The following VN1R2 variants were observed in gnomAD, a reference collection of about 807,000 sequenced individuals.
VN1R2 encodes the protein vomeronasal 1 receptor 2.
For missense variants in VN1R2, 418 were observed against 452.4 expected (o/e 0.92, Z 0.69); for synonymous variants, 160 against 173.1 (o/e 0.92, Z 0.59).
Position 53,258,910 on chromosome 19 carries a change from A to G in VN1R2, c.535A>G (p.Ser179Gly). 1.2e-6 allele frequency: 2 copies of G among 1,614,152 alleles called. No individual in the cohort carries two copies. Among genetic ancestry groups the G allele is most frequent in the Non-Finnish European group, 1.7e-6 (2 of 1,180,026 alleles). The change falls in exon 1 of 1, where the codon AGC becomes GGC. Residue 179 changes from serine to glycine, a missense_variant. Physicochemically the swap from Ser to Gly is moderately conservative, Grantham distance 56 (BLOSUM62 0). Transcript: ENST00000341702. ...GGTAGGCAGGGGTGTGTCCATTGGA[A>G]GCACCTGCCTCTTGAGTGTCTTCCA... ...HRVGRGVSIG[S>G]TCLLSVFQVI...
At chr19:53,258,738 AAGATCCAC>A, upstream of VN1R2, 1 of 1,613,990 alleles carries the variant, frequency 6.2e-7, no homozygotes, top group Non-Finnish European at 8.5e-7. Flanking sequence ...GATACAAGCC[AAGATCCAC>A]AGATTTGATT....
upstream of VN1R2, chr19:53,258,833 TG>T (rs781715655): frequency 1.9e-6 from 3 of 1,614,200 alleles, no homozygotes; most frequent in Admixed American, 5.0e-5. Context: ...ACTTTTGGGT[TG>T]AAACATTTTG....
chr19:53,258,814 A>G lies in VN1R2; in HGVS notation c.439A>G (p.Thr147Ala). ...LVILSKRIPETMATFGLKHFD... is the reference protein window; with the variant it reads ...LVILSKRIPEAMATFGLKHFD... The stretch of plus-strand genomic sequence containing the variant: ...TATCCTATCTAAAAGAATCCCAGAG[A>G]CCATGGCAACTTTTGGGTTGAAACA... The change falls in exon 1 of 1, where the codon ACC (threonine) becomes GCC (alanine). Residue 147 changes from threonine (T) to alanine (A), a missense_variant. Transcript: ENST00000341702. The G allele has an allele frequency of 6.2e-7, 1 of 1,614,180 alleles. No homozygotes were observed. Among genetic ancestry groups the G allele is most frequent in the Non-Finnish European group, 8.5e-7 (1 of 1,180,028 alleles).
chr19:53,259,546 G>T lies in VN1R2; in HGVS notation c.1171G>T (p.Asp391Tyr). The T allele has an allele frequency of 6.2e-7, 1 of 1,609,990 alleles. No individual in the cohort carries two copies. The highest frequency in any genetic ancestry group is 1.1e-5 in the South Asian group (1 of 90,520). The change falls in exon 1 of 1, where the codon GAT (aspartate) becomes TAT (tyrosine). Residue 391 changes from aspartate (D) to tyrosine (Y), a missense_variant. Asp to Tyr is a radical substitution (Grantham distance 160). Transcript: ENST00000341702. ...CAGAAGAAATAGACGATTCTTTCAT[G>T]ATTTCAGGAAAATGTGAATTGGCTG... ...CCRRNRRFFH[D>Y]FRKM
In VN1R2 at chr19:53,259,464, C is replaced by T; in HGVS notation, c.1089C>T (p.Ser363=). The T allele has an allele frequency of 6.2e-7, 1 of 1,614,194 alleles. No homozygotes were observed. The highest frequency in any genetic ancestry group is 8.5e-7 in the Non-Finnish European group (1 of 1,180,038). The change falls in exon 1 of 1, where the codon AGC becomes AGT. Residue 363 remains serine, a synonymous_variant. Transcript: ENST00000341702. The part of the protein sequence containing the change: ...ALIIACFPTI[S]PFVLMCRDPS... ...TCATTGCCTGTTTTCCAACTATTAG[C>T]CCTTTTGTTCTCATGTGCCGTGACC...
Position 53,258,970 on chromosome 19 carries a change from G to A in VN1R2, c.595G>A (p.Ala199Thr), listed in dbSNP as rs1331613053. Residue 199 changes from alanine (A) to threonine (T), a missense_variant, in exon 1 of 1, where the codon GCA becomes ACA. Ala to Thr is a moderately conservative substitution (Grantham distance 58, BLOSUM62 0). Coordinates refer to ENST00000341702, the MANE Select transcript of VN1R2 (RefSeq NM_173856.2). ...ITINPRNSRWAEMKVKAPTYI... is the reference protein window; with the variant it reads ...ITINPRNSRWTEMKVKAPTYI... ...CATCAACCCTAGGAACTCCAGGTGG[G>A]CAGAGATGAAAGTAAAAGCCCCGAC... 3.1e-6 allele frequency: 5 copies of A among 1,614,026 alleles called. No individual in the cohort carries two copies. In the African/African-American group the frequency reaches 6.7e-5, roughly 22 times the overall value.
rs748198419 is a variant in VN1R2 at position 53,258,642 on chromosome 19, G to A, written c.267G>A (p.Gly89=). 4.3e-6 allele frequency: 7 copies of A among 1,611,824 alleles called. No homozygotes were observed. The East Asian group carries it at 1.3e-4, about 31-fold the overall frequency. Residue 89 remains glycine, a synonymous_variant, in exon 1 of 1, where the codon GGG becomes GGA. Transcript: ENST00000341702. ...GAGAGAAACCCACCAAACCTGTGGG[G>A]CTGGACCCTACACTATTCCAGGTAG... The part of the protein sequence containing the change: ...AHGEKPTKPV[G]LDPTLFQVVV...
Position 53,258,624 on chromosome 19 carries a change from A to G in VN1R2, c.249A>G (p.Lys83=), listed in dbSNP as rs747217048. Residue 83 remains lysine (K), a synonymous_variant, in exon 1 of 1, where the codon AAA becomes AAG. Transcript: ENST00000341702. ...LHSLVSAHGE[K]PTKPVGLDPT... The stretch of plus-strand genomic sequence containing the variant: ...CTCTTGTCTCTGCACACGGAGAGAA[A>G]CCCACCAAACCTGTGGGGCTGGACC... 2.5e-6 allele frequency: 4 copies of G among 1,605,060 alleles called. No individual in the cohort carries two copies. Among genetic ancestry groups the G allele is most frequent in the East Asian group, 2.2e-5 (1 of 44,682 alleles).
At position 53,259,360 on chromosome 19, in the gene VN1R2, G is replaced by C. The variant is rs139265600; in HGVS notation, c.985G>C (p.Ala329Pro). Residue 329 changes from alanine to proline, a missense_variant, in exon 1 of 1, where the codon GCC becomes CCC. Ala to Pro is a conservative substitution (Grantham distance 27, BLOSUM62 -1). Transcript: ENST00000341702. ...GGTGAGCACCTTTGCATTATGTTACGCCCTTTCCTTCATCACCTACGTTTA... is the reference window on the plus strand; with the variant it reads ...GGTGAGCACCTTTGCATTATGTTACCCCCTTTCCTTCATCACCTACGTTTA... ...ALVSTFALCY[A>P]LSFITYVYLA... 1 of 1,614,138 alleles carries C rather than the reference G, an allele frequency of 6.2e-7. No homozygotes were observed. The highest frequency in any genetic ancestry group is 1.7e-5 in the Admixed American group (1 of 60,010).
rs1272243916 is a variant in VN1R2, at chr19:53,259,518, C to T, written c.1143C>T (p.Cys381=). ...DPSRSRLCSI[C]CRRNRRFFHD... is the part of the protein sequence containing the mutation. ...GCAGATCCAGGCTCTGCAGTATCTGCTGCAGAAGAAATAGACGATTCTTTC... is the reference window on the plus strand; with the variant it reads ...GCAGATCCAGGCTCTGCAGTATCTGTTGCAGAAGAAATAGACGATTCTTTC... The change falls in exon 1 of 1, where the codon TGC becomes TGT. Residue 381 remains cysteine (C), a synonymous_variant. Coordinates refer to ENST00000341702, the MANE Select transcript of VN1R2 (RefSeq NM_173856.2). 1 of 1,612,704 alleles carries T rather than the reference C, an allele frequency of 6.2e-7. No individual in the cohort carries two copies. Among genetic ancestry groups the T allele is most frequent in the African/African-American group, 1.3e-5 (1 of 74,950 alleles).
chr19:53,259,084 A>G lies in VN1R2; in HGVS notation c.709A>G (p.Asn237Asp). The G allele has an allele frequency of 1.2e-6, 2 of 1,614,174 alleles. No individual in the cohort carries two copies. The highest frequency in any genetic ancestry group is 1.1e-5 in the South Asian group (1 of 91,082). ...TATTTATACAACTGGCAAATGGAGCAACAACAACATCACAAAGAAAGGAGA... is the reference window on the plus strand; with the variant it reads ...TATTTATACAACTGGCAAATGGAGCGACAACAACATCACAAAGAAAGGAGA... ...FPIYTTGKWSNNNITKKGDLG... is the reference protein window; with the variant it reads ...FPIYTTGKWSDNNITKKGDLG... The change falls in exon 1 of 1, where the codon AAC (asparagine) becomes GAC (aspartate). Residue 237 changes from asparagine (N) to aspartate (D), a missense_variant. Asn to Asp is a conservative substitution (Grantham distance 23, BLOSUM62 1). Transcript: ENST00000341702.
In VN1R2 at chr19:53,258,784, T is replaced by C. The variant is rs1256301387; in HGVS notation, c.409T>C (p.Leu137=). Residue 137 remains leucine, a synonymous_variant, in exon 1 of 1, where the codon TTG becomes CTG. Transcript: ENST00000341702. ...CAGGCACCTGACTGTAGCTGACTCC[T>C]TGGTTATCCTATCTAAAAGAATCCC... The part of the protein sequence containing the change: ...ILRHLTVADS[L]VILSKRIPET... The C allele has an allele frequency of 6.2e-7, 1 of 1,614,098 alleles. No individual in the cohort carries two copies. The highest frequency in any genetic ancestry group is 1.3e-5 in the African/African-American group (1 of 74,950).
At position 53,259,360 on chromosome 19, in the gene VN1R2, G is replaced by A. The variant is rs139265600; in HGVS notation, c.985G>A (p.Ala329Thr). ...GGTGAGCACCTTTGCATTATGTTACGCCCTTTCCTTCATCACCTACGTTTA... is the reference window on the plus strand; with the variant it reads ...GGTGAGCACCTTTGCATTATGTTACACCCTTTCCTTCATCACCTACGTTTA... ...ALVSTFALCY[A>T]LSFITYVYLA... is the part of the protein sequence containing the mutation. Residue 329 changes from alanine to threonine, a missense_variant, in exon 1 of 1, where the codon GCC (alanine) becomes ACC (threonine). Physicochemically the swap from Ala to Thr is moderately conservative, Grantham distance 58 (BLOSUM62 0). Coordinates refer to ENST00000341702, the MANE Select transcript of VN1R2 (RefSeq NM_173856.2). 5.5e-4 allele frequency: 881 copies of A among 1,614,138 alleles called. 4 individuals are homozygous for A. The African/African-American group carries it at 0.01, about 19-fold the overall frequency.
Position 53,258,439 on chromosome 19 carries a change from C to T in VN1R2, c.64C>T (p.His22Tyr). ...TCCAATAAATATCAGCGCAGCCTGG[C>T]ATTTGGGGCCACTACCAGTCTCCTG... Reference protein sequence around the residue: ...LYPINISAAWHLGPLPVSCFV... With the variant: ...LYPINISAAWYLGPLPVSCFV... The change falls in exon 1 of 1, where the codon CAT (histidine) becomes TAT (tyrosine). Residue 22 changes from histidine (H) to tyrosine (Y), a missense_variant. His to Tyr is a moderately conservative substitution (Grantham distance 83). Transcript: ENST00000341702. 1 of 792,014 alleles carries T rather than the reference C, an allele frequency of 1.3e-6. No individual in the cohort carries two copies. The highest frequency in any genetic ancestry group is 2.2e-6 in the Non-Finnish European group (1 of 454,578). The allele number at this position is 792,014 out of a possible 1,614,324, so 49.1% of individuals were successfully genotyped here. A position where few individuals can be genotyped will look rare whatever the true frequency, so the allele number is the denominator to read the frequency against.
chr19:53,258,308 C>A lies in VN1R2; in HGVS notation c.-68C>A. ...CTCCCTCTCTCTCTCTCTGCCTTGG[C>A]TGCCAGGCAGGGAAGGGCCCCCTGT... On this transcript the variant is annotated 5_prime_UTR_variant, in exon 1 of 1. In the 5' UTR this introduces an upstream ATG that the reference lacks. Coordinates refer to ENST00000341702, the MANE Select transcript of VN1R2 (RefSeq NM_173856.2). The A allele has an allele frequency of 1.6e-6, 1 of 609,750 alleles. No individual in the cohort carries two copies. The highest frequency in any genetic ancestry group is 3.0e-6 in the Non-Finnish European group (1 of 338,160). The allele number at this position is 609,750 out of a possible 1,614,324, so 37.8% of individuals were successfully genotyped here.
At position 53,258,625 on chromosome 19, in the gene VN1R2, C is replaced by T; in HGVS notation, c.250C>T (p.Pro84Ser). The T allele has an allele frequency of 1.2e-6, 2 of 1,605,326 alleles. No individual in the cohort carries two copies. Among genetic ancestry groups the T allele is most frequent in the East Asian group, 2.2e-5 (1 of 44,690 alleles). Residue 84 changes from proline to serine, a missense_variant, in exon 1 of 1, where the codon CCC becomes TCC. Pro to Ser is a moderately conservative substitution (Grantham distance 74). Coordinates refer to ENST00000341702, the MANE Select transcript of VN1R2 (RefSeq NM_173856.2). ...HSLVSAHGEK[P>S]TKPVGLDPTL... The stretch of plus-strand genomic sequence containing the variant: ...TCTTGTCTCTGCACACGGAGAGAAA[C>T]CCACCAAACCTGTGGGGCTGGACCC...
In VN1R2 at chr19:53,258,681, G is replaced by A. The variant is rs1284200038; in HGVS notation, c.306G>A (p.Leu102=). The A allele has an allele frequency of 6.2e-7, 1 of 1,614,000 alleles. No individual in the cohort carries two copies. The highest frequency in any genetic ancestry group is 8.5e-7 in the Non-Finnish European group (1 of 1,179,982). The stretch of plus-strand genomic sequence containing the variant: ...TATTCCAGGTAGTTGTTGGAATCCT[G>A]GGGAATTTTTCACTCTTATATTATT... ...PTLFQVVVGI[L]GNFSLLYYYM... The change falls in exon 1 of 1, where the codon CTG becomes CTA. Residue 102 remains leucine, a synonymous_variant. Coordinates refer to ENST00000341702, the MANE Select transcript of VN1R2 (RefSeq NM_173856.2).
Position 53,258,841 on chromosome 19 carries a change from T to G in VN1R2, c.466T>G (p.Phe156Val). The change falls in exon 1 of 1, where the codon TTT (phenylalanine) becomes GTT (valine). Residue 156 changes from phenylalanine to valine, a missense_variant. Physicochemically the swap from Phe to Val is conservative, Grantham distance 50. Coordinates refer to ENST00000341702, the MANE Select transcript of VN1R2 (RefSeq NM_173856.2). ...ETMATFGLKH[F>V]DNYFGCKFLL... Reference sequence around the variant, plus strand: ...CATGGCAACTTTTGGGTTGAAACATTTTGACAATTATTTTGGATGCAAATT... The same window carrying G: ...CATGGCAACTTTTGGGTTGAAACATGTTGACAATTATTTTGGATGCAAATT... 6.2e-7 allele frequency: 1 copy of G among 1,614,156 alleles called. No individual in the cohort carries two copies. Among genetic ancestry groups the G allele is most frequent in the South Asian group, 1.1e-5 (1 of 91,078 alleles).
At position 53,258,471 on chromosome 19, in the gene VN1R2, A is replaced by G. The variant is rs377631511; in HGVS notation, c.96A>G (p.Val32=). 5 of 983,112 alleles carry G rather than the reference A, an allele frequency of 5.1e-6. No homozygotes were observed. Among genetic ancestry groups the G allele is most frequent in the Non-Finnish European group, 7.9e-6 (5 of 629,986 alleles). 60.9% of individuals were successfully genotyped at this position (983,112 alleles called of 1,614,324 possible). Reference sequence around the variant, plus strand: ...GGCCACTACCAGTCTCCTGCTTTGTATCCAATAAATATCAGTGCAGCCTGG... The same window carrying G: ...GGCCACTACCAGTCTCCTGCTTTGTGTCCAATAAATATCAGTGCAGCCTGG... ...HLGPLPVSCF[V]SNKYQCSLAF... is the part of the protein sequence containing the mutation. The change falls in exon 1 of 1, where the codon GTA becomes GTG. Residue 32 remains valine (V), a synonymous_variant. Coordinates refer to ENST00000341702, the MANE Select transcript of VN1R2 (RefSeq NM_173856.2).
Sources: gnomAD v4.1 joint callset for allele counts on GRCh38, gnomAD v4.1.1 for gene constraint, MANE v1.5 for transcripts, NCBI Gene and HGNC (gene_info 2026-07-23, HGNC 2026-07-21) for gene names.